Variants in SCIN observed in about 807,000 individuals in gnomAD.
SCIN encodes the protein scinderin.
Under a neutral mutation model 91.8 loss-of-function variants are expected in SCIN, and 91 were observed. The observed-to-expected ratio is 0.99, with a 90% CI of 0.84 to 1.18. The LOEUF is 1.18. SCIN is among the 50% of genes most tolerant of loss of function. The pLI is 0.00. For synonymous variants in SCIN, 367 were observed against 312.6 expected (o/e 1.17, Z -1.84); for missense variants, 1,087 against 863.9 (o/e 1.26, Z -3.24).
At chr7:12,634,609 G>A (rs952356860) in intron 9 of SCIN, among the ~76,000 whole-genome samples, 1 of 152,156 alleles carries the variant, frequency 6.6e-6, no homozygotes, top group Non-Finnish European at 1.5e-5. Flanking sequence ...TATTCCTGCT[G>A]CTAAGCTAAC....
At chr7:12,644,521 A>C in intron 12 of SCIN, 63 bp from the exon 13 acceptor site, 1 of 1,584,850 alleles carries the variant, frequency 6.3e-7, no homozygotes. Flanking sequence ...ATTTGTTCAT[A>C]TAAAGCGACA....
At chr7:12,624,971 C>A in intron 5 of SCIN, 39 bp from the exon 6 acceptor site, 1 of 1,541,902 alleles carries the variant, frequency 6.5e-7, no homozygotes, top group Non-Finnish European at 8.8e-7. Context: ...TCCTTATCAT[C>A]CCCAAATGAA....
At chr7:12,630,365 C>G (rs772831629) in intron 9 of SCIN, among the ~76,000 whole-genome samples, 1 of 152,216 alleles carries the variant, frequency 6.6e-6, no homozygotes, top group African/African-American at 2.4e-5. Context: ...TTCATATGCA[C>G]TTTAATGATT....
At chr7:12,638,369 T>G (rs1472876512) in intron 10 of SCIN, among the ~76,000 whole-genome samples, 1 of 152,212 alleles carries the variant, frequency 6.6e-6, no homozygotes, top group African/African-American at 2.4e-5. Flanking sequence ...TTTGGCCAGT[T>G]TCTGAGAAGC....
intron 13 of SCIN, among the ~76,000 whole-genome samples, chr7:12,647,646 AAAG>A (rs1373940701): frequency 1.3e-4 from 20 of 152,228 alleles, no homozygotes; most frequent in African/African-American, 4.3e-4. Context: ...GTTAAGTGCT[AAAG>A]TTTTTCTTTT....
At chr7:12,642,906 A>G (rs1783885064) in intron 11 of SCIN, among the ~76,000 whole-genome samples, 1 of 152,104 alleles carries the variant, frequency 6.6e-6, no homozygotes, top group Non-Finnish European at 1.5e-5. Flanking sequence ...TCATTCAGTC[A>G]TATGGTTTAA....
At chr7:12,625,983 TG>T (rs1176710245) in intron 7 of SCIN, 133 bp downstream of exon 7, 4 of 600,586 alleles carry the variant, frequency 6.7e-6, no homozygotes, top group Non-Finnish European at 1.2e-5. Context: ...GCCTGTCTGC[TG>T]CAATCTGGTG....
At chr7:12,582,575 C>T (rs539397920) in intron 3 of SCIN, among the ~76,000 whole-genome samples, 3 of 152,256 alleles carry the variant, frequency 2.0e-5, no homozygotes, top group East Asian at 1.9e-4. Context: ...TAATATTACA[C>T]GTAGACATCT....
Position 12,652,874 on chromosome 7 carries a change from T to G in SCIN, c.*159T>G. The G allele has an allele frequency of 6.3e-6, 5 of 797,096 alleles. No homozygotes were observed. The highest frequency in any genetic ancestry group is 7.7e-6 in the Non-Finnish European group (4 of 522,826). The allele number at this position is 797,096 out of a possible 1,614,324, so 49.4% of individuals were successfully genotyped here. A position where few individuals can be genotyped will look rare whatever the true frequency, so the allele number is the denominator to read the frequency against. Reference sequence around the variant, plus strand: ...ATCCCAGCACTTTGAGAGGATGAGGTAGGCGGATCACTGGGGTCAGGATTT... The same window carrying G: ...ATCCCAGCACTTTGAGAGGATGAGGGAGGCGGATCACTGGGGTCAGGATTT... On this transcript the variant is annotated 3_prime_UTR_variant, in exon 16 of 16. Coordinates refer to ENST00000297029, the MANE Select transcript of SCIN (RefSeq NM_001112706.3).
chr7:12,603,057 G>A (rs955195969), intron 3 of SCIN, among the ~76,000 whole-genome samples: 4 of 152,170 alleles, frequency 2.6e-5, no homozygotes, highest in Admixed American at 6.5e-5. Flanking sequence ...CTGACTTCCC[G>A]CAACAGTTTC....
chr7:12,580,153 A>G (rs929221066), intron 2 of SCIN, among the ~76,000 whole-genome samples: 22 of 152,108 alleles, frequency 1.4e-4, no homozygotes, highest in African/African-American at 4.1e-4. Context: ...AATTAGCTCT[A>G]ATTTTCCGTA....
intron 4 of SCIN, among the ~76,000 whole-genome samples, chr7:12,605,485 G>A (rs1583294572): frequency 6.6e-6 from 1 of 152,154 alleles, no homozygotes; most frequent in Non-Finnish European, 1.5e-5. Flanking sequence ...GGAAATATTT[G>A]TATATACAAA....
At chr7:12,580,624 G>T (rs1195805455) in intron 2 of SCIN, among the ~76,000 whole-genome samples, 1 of 152,104 alleles carries the variant, frequency 6.6e-6, no homozygotes, top group South Asian at 2.1e-4. Flanking sequence ...GAACTTTTGG[G>T]TGCCTTCTTC....
chr7:12,648,690 A>G lies in SCIN; in HGVS notation c.1882-777A>G, dbSNP rs1583324304. ...AATGTTTTTAGGAACTAGATAGGCAACATAAATCTGTGAAACAACTATTCA... is the reference window on the plus strand; with the variant it reads ...AATGTTTTTAGGAACTAGATAGGCAGCATAAATCTGTGAAACAACTATTCA... On this transcript the variant is annotated intron_variant, in intron 13 of 15. Transcript: ENST00000297029. 2.6e-5 allele frequency among the ~76,000 whole-genome samples: 4 copies of G among 152,232 alleles called. 1 individual carries two copies. The South Asian group carries it at 8.3e-4, about 31-fold the overall frequency.
chr7:12,634,256 C>T (rs1486455680), intron 9 of SCIN, among the ~76,000 whole-genome samples: 1 of 152,046 alleles, frequency 6.6e-6, no homozygotes, highest in Non-Finnish European at 1.5e-5. Flanking sequence ...GAGGCCGAGG[C>T]AGGTGGATCA....
At chr7:12,649,280 T>C (rs1339739484) in intron 13 of SCIN, among the ~76,000 whole-genome samples, 187 bp from the exon 14 acceptor site, 2 of 152,188 alleles carry the variant, frequency 1.3e-5, no homozygotes, top group Non-Finnish European at 2.9e-5. Context: ...CCAAATAAAA[T>C]ACTACTAGTT....
At chr7:12,638,606 A>G (rs1484106777) in intron 10 of SCIN, among the ~76,000 whole-genome samples, 6 of 152,282 alleles carry the variant, frequency 3.9e-5, no homozygotes, top group Non-Finnish European at 4.4e-5. Context: ...TAAGTGTGTA[A>G]TTGCTTATTT....
chr7:12,581,561 G>T (rs189915598), intron 3 of SCIN, among the ~76,000 whole-genome samples: 1 of 152,152 alleles, frequency 6.6e-6, no homozygotes, highest in East Asian at 1.9e-4. Context: ...GGGGGAAACT[G>T]GTTCCCCCAG....
intron 9 of SCIN, among the ~76,000 whole-genome samples, chr7:12,629,996 T>C (rs996016772): frequency 2.0e-5 from 3 of 151,390 alleles, no homozygotes; most frequent in African/African-American, 7.3e-5. Context: ...AGCAGAGAAA[T>C]GTGGGCTGTG....
Sources: allele counts gnomAD v4.1 joint callset (sites outside exome capture counted in the v4.1 genomes callset), GRCh38; gene constraint gnomAD v4.1.1; transcripts MANE v1.5; gene names NCBI Gene and HGNC (gene_info 2026-07-23, HGNC 2026-07-21).